GUCY1A1: variants seen among roughly 807,000 people sequenced by gnomAD.
GUCY1A1 encodes guanylate cyclase 1 soluble subunit alpha 1.
Under a neutral mutation model 64.5 loss-of-function variants are expected in GUCY1A1, and 48 were observed. The ratio of observed to expected loss-of-function variants is 0.74; its 90% confidence interval spans 0.59 to 0.95. GUCY1A1 has a LOEUF of 0.95. Ranked by LOEUF, GUCY1A1 falls within the 40% of genes least tolerant of loss-of-function variation. The pLI is 0.00. For synonymous variants in GUCY1A1, 308 were observed against 303.4 expected (o/e 1.02, Z -0.16); for missense variants, 804 against 825.3 (o/e 0.97, Z 0.32).
rs563990237 is a variant in GUCY1A1, at chr4:155,734,345, T to A, written c.*4114T>A. The A allele has an allele frequency of 2.6e-5, 4 of 151,918 alleles. No homozygotes were observed. The highest frequency in any genetic ancestry group is 5.9e-5 in the Non-Finnish European group (4 of 67,924). The allele number at this position is 151,918 out of a possible 1,614,324, so 9.4% of individuals were successfully genotyped here. A position where few individuals can be genotyped will look rare whatever the true frequency, so the allele number is the denominator to read the frequency against. On this transcript the variant is annotated 3_prime_UTR_variant, in exon 10 of 10. Coordinates refer to ENST00000506455, the MANE Select transcript of GUCY1A1 (RefSeq NM_001130682.3). The stretch of plus-strand genomic sequence containing the variant: ...CTTTAAATCCACAATCAAGCCCTTG[T>A]TGATGCAAATGTTAGTCGCCCAAAG...
intron 2 of GUCY1A1, among the ~76,000 whole-genome samples, chr4:155,689,681 AG>A (rs1729480491): frequency 6.6e-6 from 1 of 152,210 alleles, no homozygotes; most frequent in African/African-American, 2.4e-5. Flanking sequence ...TAATTTTAAA[AG>A]ATTGTAGATT....
chr4:155,689,932 T>C (rs1729518042), intron 2 of GUCY1A1, among the ~76,000 whole-genome samples: 1 of 152,160 alleles, frequency 6.6e-6, no homozygotes. Context: ...TCTTTAAAAA[T>C]AGCTTGAGAC....
chr4:155,676,710 A>T (rs1735001021), intron 2 of GUCY1A1, among the ~76,000 whole-genome samples: 1 of 151,490 alleles, frequency 6.6e-6, no homozygotes, highest in Non-Finnish European at 1.5e-5. Context: ...TTACTGCCTG[A>T]CTGCAGCTTT....
rs144531651 is a variant in GUCY1A1, at chr4:155,736,861, C to A, written c.*6630C>A. 3 of 151,858 alleles carry A rather than the reference C, an allele frequency of 2.0e-5. No homozygotes were observed. The highest frequency in any genetic ancestry group is 4.4e-5 in the Non-Finnish European group (3 of 67,888). The allele number at this position is 151,858 out of a possible 1,614,324, so 9.4% of individuals were successfully genotyped here. On this transcript the variant is annotated 3_prime_UTR_variant, in exon 10 of 10. Transcript: ENST00000506455. Reference sequence around the variant, plus strand: ...TAGCTATTGGACCCTGCATTGAAAACCTTCTTAGTACTAACAACACTCCTT... The same window carrying A: ...TAGCTATTGGACCCTGCATTGAAAAACTTCTTAGTACTAACAACACTCCTT...
chr4:155,703,819 G>A, intron 3 of GUCY1A1, 113 bp from the exon 4 acceptor site: 1 of 685,286 alleles, frequency 1.5e-6, no homozygotes, highest in South Asian at 1.7e-5. Context: ...TCAAGCAATT[G>A]TATAATGTGC....
intron 4 of GUCY1A1, 135 bp from the exon 5 acceptor site, chr4:155,708,097 AAAGT>A (rs1157365808): frequency 8.8e-5 from 43 of 489,398 alleles, no homozygotes; most frequent in Non-Finnish European, 1.6e-4. Flanking sequence ...TCGGCCTCCC[AAAGT>A]GCTGGGATTA....
At chr4:155,712,509 T>C (rs1235796626) in intron 6 of GUCY1A1, among the ~76,000 whole-genome samples, 1 of 152,146 alleles carries the variant, frequency 6.6e-6, no homozygotes, top group Non-Finnish European at 1.5e-5. Flanking sequence ...AACCTTCTTG[T>C]GGTCCAGGAT....
chr4:155,710,990 G>T lies in GUCY1A1; in HGVS notation c.825G>T (p.Leu275=). The T allele has an allele frequency of 1.2e-6, 2 of 1,613,544 alleles. No individual in the cohort carries two copies. The highest frequency in any genetic ancestry group is 2.2e-5 in the South Asian group (2 of 91,070). The change falls in exon 6 of 10, where the codon CTG becomes CTT. Residue 275 remains leucine, a synonymous_variant. Transcript: ENST00000506455. Reference sequence around the variant, plus strand: ...CCCCCAGCAAACCCCAGTCCTCGCTGGTGATTCCCACATCGCTATTCTGCA... The same window carrying T: ...CCCCCAGCAAACCCCAGTCCTCGCTTGTGATTCCCACATCGCTATTCTGCA... The part of the protein sequence containing the change: ...SLSPSKPQSS[L]VIPTSLFCKT...
chr4:155,719,263 C>T (rs1733657106), intron 8 of GUCY1A1, among the ~76,000 whole-genome samples: 1 of 152,150 alleles, frequency 6.6e-6, no homozygotes, highest in Non-Finnish European at 1.5e-5. Context: ...TTTATGCATA[C>T]TAACCTGCAG....
chr4:155,685,109 C>T (rs1560920782), intron 2 of GUCY1A1, among the ~76,000 whole-genome samples: 3 of 152,128 alleles, frequency 2.0e-5, no homozygotes, highest in African/African-American at 7.2e-5. Context: ...TGCCACTCAC[C>T]AGCTATGGCC....
intron 7 of GUCY1A1, 107 bp from the exon 8 acceptor site, chr4:155,717,052 G>A (rs1243534435): frequency 2.0e-5 from 15 of 767,926 alleles, no homozygotes; most frequent in Non-Finnish European, 2.8e-5. Context: ...CCTCCAGAAG[G>A]CCTGAGCAAT....
chr4:155,717,474 A>G (rs894854897), intron 8 of GUCY1A1, among the ~76,000 whole-genome samples, 172 bp downstream of exon 8: 1 of 152,196 alleles, frequency 6.6e-6, no homozygotes, highest in Non-Finnish European at 1.5e-5. Flanking sequence ...AATTTATTAT[A>G]GGGTATTAAA....
chr4:155,676,304 T>TGG (rs1734929179), intron 2 of GUCY1A1, among the ~76,000 whole-genome samples: 3 of 148,668 alleles, frequency 2.0e-5, no homozygotes, highest in East Asian at 1.9e-4. Context: ...GAGCTGGTTT[T>TGG]TTTTTTTTTT....
At chr4:155,693,987 G>A (rs1484695436) in intron 2 of GUCY1A1, among the ~76,000 whole-genome samples, 4 of 152,110 alleles carry the variant, frequency 2.6e-5, no homozygotes, top group Non-Finnish European at 5.9e-5. Flanking sequence ...ATATATACCA[G>A]AATAATTCGT....
intron 6 of GUCY1A1, among the ~76,000 whole-genome samples, chr4:155,711,991 T>G (rs1206621675): frequency 6.6e-6 from 1 of 152,234 alleles, no homozygotes; most frequent in Non-Finnish European, 1.5e-5. Flanking sequence ...TATACATTTT[T>G]TGTTTAAAAC....
At position 155,702,182 on chromosome 4, in the gene GUCY1A1, C is replaced by T. The variant is rs146848546; in HGVS notation, c.256-1750C>T. On this transcript the variant is annotated intron_variant, in intron 3 of 9. Transcript: ENST00000506455. ...GATTATGAAAAATTTACAAAGTTGGCGAGCAAATGCTATGAAGAAAAACTG... is the reference window on the plus strand; with the variant it reads ...GATTATGAAAAATTTACAAAGTTGGTGAGCAAATGCTATGAAGAAAAACTG... Among the ~76,000 whole-genome samples the T allele has an allele frequency of 3.1e-3, 469 of 152,156 alleles. 6 individuals carry two copies. The highest frequency in any genetic ancestry group is 1.0e-2 in the African/African-American group (415 of 41,524).
At chr4:155,675,001 T>C (rs1298915972) in intron 2 of GUCY1A1, among the ~76,000 whole-genome samples, 1 of 151,574 alleles carries the variant, frequency 6.6e-6, no homozygotes, top group Non-Finnish European at 1.5e-5. Context: ...TGCTATGACA[T>C]TACAATGGCT....
chr4:155,676,454 A>G (rs554448718), intron 2 of GUCY1A1, among the ~76,000 whole-genome samples: 14 of 151,508 alleles, frequency 9.2e-5, no homozygotes, highest in Admixed American at 7.2e-4. Flanking sequence ...TTTTATCTTA[A>G]CATTGGATCT....
chr4:155,713,311 G>T lies in GUCY1A1; in HGVS notation c.1300G>T (p.Ala434Ser). 5 of 1,614,170 alleles carry T rather than the reference G, an allele frequency of 3.1e-6. No homozygotes were observed. The highest frequency in any genetic ancestry group is 4.2e-6 in the Non-Finnish European group (5 of 1,180,028). Residue 434 changes from alanine (A) to serine (S), a missense_variant, in exon 7 of 10, where the codon GCT becomes TCT. Physicochemically the swap from Ala to Ser is moderately conservative, Grantham distance 99. Transcript: ENST00000506455. The part of the protein sequence containing the change: ...GLKKRLGKLK[A>S]TLEQAHQALE... Reference sequence around the variant, plus strand: ...GAAGAAGAGGCTGGGGAAGCTGAAGGCTACCCTTGAGCAAGCCCACCAAGC... The same window carrying T: ...GAAGAAGAGGCTGGGGAAGCTGAAGTCTACCCTTGAGCAAGCCCACCAAGC...
Sources: gnomAD v4.1 joint callset for allele counts (sites outside exome capture counted in the v4.1 genomes callset) on GRCh38, gnomAD v4.1.1 for gene constraint, MANE v1.5 for transcripts, NCBI Gene and HGNC (gene_info 2026-07-23, HGNC 2026-07-21) for gene names.